The following MARCHF1 variants were observed in gnomAD, a reference collection of about 807,000 sequenced individuals.
MARCHF1 encodes E3 ubiquitin-protein ligase MARCHF1.
Under a neutral mutation model 54.2 loss-of-function variants are expected in MARCHF1, and 40 were observed. That is an observed-to-expected ratio of 0.74 (90% CI 0.57 to 0.96). The LOEUF (loss-of-function observed/expected upper bound fraction) is 0.96. Ranked by LOEUF, MARCHF1 falls within the 40% of genes least tolerant of loss-of-function variation. The probability of loss-of-function intolerance (pLI) is 0.00; values close to 1 mark genes in which losing one functional copy is unlikely to be tolerated. For synonymous variants in MARCHF1, 236 were observed against 236.3 expected, an observed-to-expected ratio of 1.00 and a Z score of 0.01; for missense variants, 586 against 656.5, an observed-to-expected ratio of 0.89 and a Z score of 1.17.
chr4:164,322,436 G>T (rs1735165668), intron 1 of MARCHF1, among the ~76,000 whole-genome samples: 1 of 151,944 alleles, frequency 6.6e-6, no homozygotes, highest in South Asian at 2.1e-4. Flanking sequence ...GTAGTGGGAG[G>T]TTGGGGGGAG....
At chr4:163,952,878 T>C (rs770383747) in intron 3 of MARCHF1, among the ~76,000 whole-genome samples, 30 of 152,156 alleles carry the variant, frequency 2.0e-4, no homozygotes, top group Non-Finnish European at 4.0e-4. Flanking sequence ...TGAGGTTATC[T>C]TTTGAAAATC....
In MARCHF1 at chr4:163,795,272, C is replaced by T. The variant is rs1579292716; in HGVS notation, c.111+58749G>A. Among the ~76,000 whole-genome samples the T allele has an allele frequency of 2.6e-5, 4 of 152,208 alleles. 1 individual carries two copies. Among genetic ancestry groups the T allele is most frequent in the Admixed American group, 2.6e-4 (4 of 15,286 alleles). On this transcript the variant is annotated intron_variant, in intron 4 of 9. Transcript: ENST00000514618. ...GAGATGAAGTCTCACTCTTGTTGCC[C>T]AGGCTGGAGTGCAATGGTGCAATCT...
At chr4:163,564,012 G>A (rs967346521) in intron 8 of MARCHF1, among the ~76,000 whole-genome samples, 1 of 152,154 alleles carries the variant, frequency 6.6e-6, no homozygotes, top group South Asian at 2.1e-4. Context: ...GGCTGTGAAA[G>A]GTTTTAGAAG....
chr4:163,777,895 A>G (rs1405225867), intron 4 of MARCHF1, among the ~76,000 whole-genome samples: 1 of 152,112 alleles, frequency 6.6e-6, no homozygotes, highest in Non-Finnish European at 1.5e-5. Flanking sequence ...TCATCCCAAA[A>G]AGTTCCCTGG....
rs1738076690 is a variant in MARCHF1, at chr4:163,525,648, C to T, written c.*3100G>A. The T allele has an allele frequency of 7.8e-6, 1 of 127,970 alleles. No individual in the cohort carries two copies. Among genetic ancestry groups the T allele is most frequent in the African/African-American group, 2.7e-5 (1 of 36,532 alleles). The allele number at this position is 127,970 out of a possible 1,614,324, so 7.9% of individuals were successfully genotyped here. On this transcript the variant is annotated 3_prime_UTR_variant, in exon 10 of 10. Transcript: ENST00000514618. ...AATGTCTGGTTTAATACTGAAGATT[C>T]ATGATTATAAAGAGCCAAGGTTTTT...
intron 4 of MARCHF1, among the ~76,000 whole-genome samples, chr4:163,766,375 C>T (rs553606515): frequency 1.8e-4 from 27 of 151,658 alleles, no homozygotes; most frequent in African/African-American, 6.0e-4. Context: ...CAATTCTCCT[C>T]TCATATTTAC....
Position 164,023,941 on chromosome 4 carries a change from C to A in MARCHF1, c.-247-35232G>T, listed in dbSNP as rs186901369. Among the ~76,000 whole-genome samples the A allele has an allele frequency of 5.4e-4, 82 of 151,948 alleles. 1 individual carries two copies. The highest frequency in any genetic ancestry group is 1.1e-3 in the Non-Finnish European group (72 of 67,970). ...AATTTACTACAAGAATATCAAAATA[C>A]AATTTGAAGTATTATTAGCAGAATA... On this transcript the variant is annotated intron_variant, in intron 2 of 9. Transcript: ENST00000514618.
intron 4 of MARCHF1, among the ~76,000 whole-genome samples, chr4:163,745,435 C>T (rs889539951): frequency 1.3e-5 from 2 of 151,932 alleles, no homozygotes; most frequent in African/African-American, 4.8e-5. Context: ...TTTTAAGGCA[C>T]GTGTAGTAGG....
intron 3 of MARCHF1, among the ~76,000 whole-genome samples, chr4:163,975,422 G>T (rs1752632541): frequency 6.6e-6 from 1 of 152,056 alleles, no homozygotes; most frequent in African/African-American, 2.4e-5. Context: ...CAAACTGAAA[G>T]AAAATTTCAG....
intron 2 of MARCHF1, among the ~76,000 whole-genome samples, chr4:164,004,687 A>G (rs1036581866): frequency 6.6e-6 from 1 of 152,034 alleles, no homozygotes; most frequent in South Asian, 2.1e-4. Context: ...CACTAACAAA[A>G]AAGTCTGAAA....
At chr4:163,869,950 A>G (rs570657444) in intron 3 of MARCHF1, among the ~76,000 whole-genome samples, 76 of 152,278 alleles carry the variant, frequency 5.0e-4, no homozygotes, top group South Asian at 1.0e-3. Flanking sequence ...GAAGATTGGC[A>G]TCTTTCAAAA....
chr4:163,882,993 T>A (rs1750449862), intron 3 of MARCHF1, among the ~76,000 whole-genome samples: 1 of 152,064 alleles, frequency 6.6e-6, no homozygotes, highest in South Asian at 2.1e-4. Context: ...TATATTTATT[T>A]CATACATGTG....
At chr4:163,630,524 T>C (rs1382294390) in intron 5 of MARCHF1, among the ~76,000 whole-genome samples, 2 of 152,190 alleles carry the variant, frequency 1.3e-5, no homozygotes, top group Admixed American at 6.5e-5. Context: ...TCAAAACTCA[T>C]TGGCTTGAAC....
chr4:164,197,136 C>G, intron 1 of MARCHF1: 1 of 1,212,702 alleles, frequency 8.2e-7, no homozygotes. Context: ...CTTCACCTTC[C>G]TCCTCCTCCT....
At chr4:164,233,593 C>T (rs182289602) in intron 1 of MARCHF1, among the ~76,000 whole-genome samples, 39 of 152,224 alleles carry the variant, frequency 2.6e-4, no homozygotes, top group South Asian at 6.2e-4. Flanking sequence ...CTGGTGGCTG[C>T]GGATGATGTC....
Position 164,314,400 on chromosome 4 carries a change from T to C in MARCHF1, c.-323+69470A>G, listed in dbSNP as rs113566513. 3.7e-3 allele frequency among the ~76,000 whole-genome samples: 569 copies of C among 152,318 alleles called. 5 individuals are homozygous for C. The highest frequency in any genetic ancestry group is 0.013 in the African/African-American group (539 of 41,574). On this transcript the variant is annotated intron_variant, in intron 1 of 9. Transcript: ENST00000514618. ...CTCTCTCTTACCACCCAAGGTCCAA[T>C]GTGAAGGGTTTCACTGTTAACTTTA...
intron 1 of MARCHF1, among the ~76,000 whole-genome samples, chr4:164,151,461 T>G (rs1400963221): frequency 1.3e-5 from 2 of 152,172 alleles, no homozygotes; most frequent in Non-Finnish European, 2.9e-5. Context: ...AGAGGTGCTT[T>G]TTAATGTTAC....
chr4:163,614,957 A>C (rs1741464080), intron 5 of MARCHF1, among the ~76,000 whole-genome samples: 1 of 152,080 alleles, frequency 6.6e-6, no homozygotes, highest in Non-Finnish European at 1.5e-5. Context: ...TGGCATGGGG[A>C]AGCTTAAAAA....
chr4:164,317,073 G>A (rs1015682333), intron 1 of MARCHF1, among the ~76,000 whole-genome samples: 3 of 152,090 alleles, frequency 2.0e-5, no homozygotes, highest in African/African-American at 7.2e-5. Flanking sequence ...TTCTATTATT[G>A]CCTTGATCAT....
Sources: allele counts gnomAD v4.1 joint callset (sites outside exome capture counted in the v4.1 genomes callset), GRCh38; gene constraint gnomAD v4.1.1; transcripts MANE v1.5; gene names NCBI Gene and HGNC (gene_info 2026-07-23, HGNC 2026-07-21).